Variants in DCAF8 observed in about 807,000 individuals in gnomAD.
DCAF8 encodes DDB1- and CUL4-associated factor 8.
Under a neutral mutation model 68.0 loss-of-function variants are expected in DCAF8, and 20 were observed. The ratio of observed to expected loss-of-function variants is 0.29; its 90% CI spans 0.21 to 0.43. The LOEUF (loss-of-function observed/expected upper bound fraction) is 0.43, where lower values mean the gene tolerates loss of function less well. Among genes scored for constraint, DCAF8 ranks in the 20% least tolerant of loss-of-function variants. DCAF8 has a pLI of 1.00. For missense variants in DCAF8, 460 were observed against 771.0 expected (o/e 0.60, Z 4.78); for synonymous variants, 230 against 276.9 (o/e 0.83, Z 1.68).
intron 2 of DCAF8, among the ~76,000 whole-genome samples, chr1:160,251,924 A>G (rs1485420887): frequency 6.6e-6 from 1 of 152,166 alleles, no homozygotes; most frequent in Non-Finnish European, 1.5e-5. Flanking sequence ...AACATATGAC[A>G]CTGTCTCCTC....
At chr1:160,223,239 T>C (rs1242569881) in intron 10 of DCAF8, among the ~76,000 whole-genome samples, 3 of 152,242 alleles carry the variant, frequency 2.0e-5, no homozygotes, top group Non-Finnish European at 1.5e-5. Flanking sequence ...GATCTGTGCT[T>C]GCTACCATTA....
rs779800545 is a variant in DCAF8 at position 160,238,697 on chromosome 1, A to G, written c.774T>C (p.Arg258=). ...GTTCTGCTACTCGAACCTGCCCGTC[A>G]CGGGCACACATGGCCAGAGTAGAAT... ...SGDSTLAMCA[R]DGQVRVAELS... Residue 258 remains arginine (R), a synonymous_variant, in exon 5 of 14, where the codon CGT becomes CGC. Coordinates refer to ENST00000368074, the MANE Select transcript of DCAF8 (RefSeq NM_015726.4). The G allele has an allele frequency of 8.5e-5, 137 of 1,613,764 alleles. No individual in the cohort carries two copies. The highest frequency in any genetic ancestry group is 1.1e-4 in the Non-Finnish European group (131 of 1,179,912).
At chr1:160,222,053 ATG>A (rs1655319437) in intron 11 of DCAF8, among the ~76,000 whole-genome samples, 1 of 152,154 alleles carries the variant, frequency 6.6e-6, no homozygotes, top group South Asian at 2.1e-4. Context: ...ACACATGTAT[ATG>A]TGTTTGTTAT....
At chr1:160,229,994 G>T (rs763302115) in intron 7 of DCAF8, among the ~76,000 whole-genome samples, 1 of 151,964 alleles carries the variant, frequency 6.6e-6, no homozygotes, top group Non-Finnish European at 1.5e-5. Flanking sequence ...CTGCACTCCA[G>T]CATGGGTAAT....
intron 7 of DCAF8, among the ~76,000 whole-genome samples, chr1:160,228,548 G>A (rs1383397425): frequency 1.3e-5 from 2 of 151,078 alleles, no homozygotes; most frequent in Admixed American, 6.6e-5. Context: ...ACTAAGCTAA[G>A]CAGGAATTAG....
intron 7 of DCAF8, among the ~76,000 whole-genome samples, chr1:160,228,092 ATT>A (rs34386233): frequency 1.4e-5 from 2 of 145,256 alleles, no homozygotes. Context: ...TTTTTTCTTA[ATT>A]TTTTTTTTTT....
chr1:160,224,495 C>A lies in DCAF8; in HGVS notation c.1256G>T (p.Ser419Ile), dbSNP rs376443695. ...EDIYLFNSSHSDGAQYVKRYK... is the reference protein window; with the variant it reads ...EDIYLFNSSHIDGAQYVKRYK... ...TCTCTTAACATACTGGGCCCCATCA[C>A]TGTGAGAGGAGTTGAAGAGGTAAAT... is the stretch of plus-strand genomic sequence containing the variant. The change falls in exon 10 of 14, where the codon AGT becomes ATT. Residue 419 changes from serine (S) to isoleucine (I), a missense_variant. Coordinates refer to ENST00000368074, the MANE Select transcript of DCAF8 (RefSeq NM_015726.4). 2 of 1,614,156 alleles carry A rather than the reference C, an allele frequency of 1.2e-6. No individual in the cohort carries two copies. Among genetic ancestry groups the A allele is most frequent in the Admixed American group, 3.3e-5 (2 of 60,020 alleles).
At chr1:160,251,292 T>C (rs995683440) in intron 2 of DCAF8, among the ~76,000 whole-genome samples, 3 of 152,196 alleles carry the variant, frequency 2.0e-5, no homozygotes, top group African/African-American at 7.2e-5. Flanking sequence ...AATTTGCTTT[T>C]CTAGGTCCCA....
In DCAF8 at chr1:160,238,688, C is replaced by G; in HGVS notation, c.783G>C (p.Gln261His). ...STLAMCARDG[Q>H]VRVAELSATQ... ...TGGCAGACAGTTCTGCTACTCGAAC[C>G]TGCCCGTCACGGGCACACATGGCCA... Residue 261 changes from glutamine to histidine, a missense_variant, in exon 5 of 14, where the codon CAG becomes CAC. Physicochemically the swap from Gln to His is conservative, Grantham distance 24. Transcript: ENST00000368074. The G allele has an allele frequency of 6.2e-7, 1 of 1,613,808 alleles. No homozygotes were observed.
At chr1:160,225,708 A>C in intron 7 of DCAF8, 45 bp from the exon 8 acceptor site, 1 of 1,505,526 alleles carries the variant, frequency 6.6e-7, no homozygotes, top group Middle Eastern at 1.7e-4. Context: ...TACAAACGAA[A>C]CCCTTGAAGA....
chr1:160,252,815 G>A (rs1467199244), intron 2 of DCAF8, among the ~76,000 whole-genome samples: 1 of 152,224 alleles, frequency 6.6e-6, no homozygotes, highest in African/African-American at 2.4e-5. Context: ...AGAAGGACAA[G>A]TTCTTAGTCT....
At chr1:160,256,400 G>A (rs778276680) in intron 2 of DCAF8, among the ~76,000 whole-genome samples, 1 of 152,120 alleles carries the variant, frequency 6.6e-6, no homozygotes, top group Non-Finnish European at 1.5e-5. Context: ...CTCAAGAAGT[G>A]CCTTCCTACA....
In DCAF8 at chr1:160,238,666, C is replaced by A. The variant is rs1293247988; in HGVS notation, c.805G>T (p.Ala269Ser). The A allele has an allele frequency of 1.2e-6, 2 of 1,613,728 alleles. No homozygotes were observed. Among genetic ancestry groups the A allele is most frequent in the Admixed American group, 3.3e-5 (2 of 59,962 alleles). The change falls in exon 5 of 14, where the codon GCC becomes TCC. Residue 269 changes from alanine (A) to serine (S), a missense_variant. Ala to Ser is a moderately conservative substitution (Grantham distance 99). This residue lies in a region of DCAF8 where 170 missense variants were observed against 318.2 expected (regional missense o/e 0.53). Coordinates refer to ENST00000368074, the MANE Select transcript of DCAF8 (RefSeq NM_015726.4). Reference protein sequence around the residue: ...DGQVRVAELSATQCCKNTKRV... With the variant: ...DGQVRVAELSSTQCCKNTKRV... Reference sequence around the variant, plus strand: ...TTTGTATTCTTGCAACACTGTGTGGCAGACAGTTCTGCTACTCGAACCTGC... The same window carrying A: ...TTTGTATTCTTGCAACACTGTGTGGAAGACAGTTCTGCTACTCGAACCTGC...
intron 11 of DCAF8, among the ~76,000 whole-genome samples, chr1:160,221,907 TC>T (rs1655310233): frequency 6.6e-6 from 1 of 151,866 alleles, no homozygotes; most frequent in South Asian, 2.1e-4. Flanking sequence ...TTCTCACTCT[TC>T]CTTTTTGCCC....
chr1:160,236,018 C>T (rs1210783366), intron 6 of DCAF8, among the ~76,000 whole-genome samples: 5 of 152,072 alleles, frequency 3.3e-5, no homozygotes, highest in Non-Finnish European at 7.4e-5. Flanking sequence ...GGATTACAGG[C>T]GTGAGCCACC....
At chr1:160,238,215 T>C (rs1285281205) in intron 5 of DCAF8, among the ~76,000 whole-genome samples, 1 of 152,206 alleles carries the variant, frequency 6.6e-6, no homozygotes, top group Non-Finnish European at 1.5e-5. Context: ...GTGCTATTTG[T>C]GAACTGAGAG....
At chr1:160,240,397 G>C (rs761944781) in intron 3 of DCAF8, 27 bp from the exon 4 acceptor site, 2 of 1,557,196 alleles carry the variant, frequency 1.3e-6, no homozygotes, top group South Asian at 2.3e-5. Context: ...AAGGAGTAGA[G>C]GAGAGGGAAA....
intron 2 of DCAF8, among the ~76,000 whole-genome samples, chr1:160,257,902 T>A (rs560992998): frequency 9.9e-5 from 15 of 152,242 alleles, no homozygotes; most frequent in South Asian, 2.1e-4. Flanking sequence ...GCTTTTTTTT[T>A]AAACTTTTTG....
intron 5 of DCAF8, among the ~76,000 whole-genome samples, chr1:160,238,270 C>A (rs1655962196): frequency 6.6e-6 from 1 of 152,216 alleles, no homozygotes; most frequent in East Asian, 1.9e-4. Context: ...GAATAAACCA[C>A]TAGCACCTTG....
Sources: allele counts gnomAD v4.1 joint callset (sites outside exome capture counted in the v4.1 genomes callset), GRCh38; gene constraint gnomAD v4.1.1; regional missense constraint gnomAD v4.1.1; transcripts MANE v1.5; gene names NCBI Gene and HGNC (gene_info 2026-07-23, HGNC 2026-07-21).